MEGF11: variants seen among roughly 807,000 people sequenced by gnomAD.
The protein encoded by MEGF11 is multiple epidermal growth factor-like domains protein 11.
MEGF11 carries 126 observed loss-of-function variants against 146.6 expected under a neutral mutation model. That is an observed-to-expected ratio of 0.86 (90% CI 0.74 to 1.00). The LOEUF (loss-of-function observed/expected upper bound fraction) is 1.00. MEGF11 is among the 50% of genes least tolerant of loss of function. The pLI is 0.00. For missense variants in MEGF11, 1,509 were observed against 1,521.2 expected, an observed-to-expected ratio of 0.99 and a Z score of 0.13; for synonymous variants, 532 against 583.4, an observed-to-expected ratio of 0.91 and a Z score of 1.27.
chr15:66,165,584 C>G (rs1460089037), intron 1 of MEGF11, among the ~76,000 whole-genome samples: 1 of 152,218 alleles, frequency 6.6e-6, no homozygotes, highest in South Asian at 2.1e-4. Context: ...TCTGGCCCCT[C>G]CTGATCCCTG....
At chr15:65,946,469 G>A (rs2080197933) in intron 10 of MEGF11, among the ~76,000 whole-genome samples, 1 of 152,160 alleles carries the variant, frequency 6.6e-6, no homozygotes, top group African/African-American at 2.4e-5. Flanking sequence ...ACAGTGGCGT[G>A]ATCTCGGCTC....
intron 1 of MEGF11, among the ~76,000 whole-genome samples, chr15:66,227,579 C>T (rs570769909): frequency 2.0e-5 from 3 of 152,188 alleles, no homozygotes; most frequent in Non-Finnish European, 4.4e-5. Flanking sequence ...CACCACCCAC[C>T]CGCATACCTG....
intron 5 of MEGF11, among the ~76,000 whole-genome samples, chr15:66,001,404 C>A (rs1277333455): frequency 6.6e-6 from 1 of 152,148 alleles, no homozygotes; most frequent in Non-Finnish European, 1.5e-5. Context: ...GGGAGCCCCT[C>A]AGGTCTCCAG....
In MEGF11 at chr15:66,119,318, T is replaced by C. The variant is rs1014379836; in HGVS notation, c.201-132A>G. The C allele has an allele frequency of 4.1e-5, 27 of 651,040 alleles. No homozygotes were observed. In the African/African-American group the frequency reaches 4.5e-4, roughly 11 times the overall value. 40.3% of individuals were successfully genotyped at this position (651,040 alleles called of 1,614,324 possible). ...TTAAAATGCATGGCGACTTCAAATATGAAGGAACACAATAAAAAAATCAAT... is the reference window on the plus strand; with the variant it reads ...TTAAAATGCATGGCGACTTCAAATACGAAGGAACACAATAAAAAAATCAAT... On this transcript the variant is annotated intron_variant, in intron 3 of 25. Coordinates refer to ENST00000395614, the MANE Select transcript of MEGF11 (RefSeq NM_001385028.1).
rs1403617915 is a variant in MEGF11, at chr15:66,152,353, C to G, written c.-8-23942G>C. Among the ~76,000 whole-genome samples the G allele has an allele frequency of 2.6e-5, 4 of 152,254 alleles. No individual in the cohort carries two copies. The East Asian group carries it at 5.8e-4, about 22-fold the overall frequency. ...AGGGTATGAGCAGCTCATGAAGGAA[C>G]TGGGCATGGATCCCAGACTCCCCCC... is the stretch of plus-strand genomic sequence containing the variant. On this transcript the variant is annotated intron_variant, in intron 1 of 25. Transcript: ENST00000395614.
At chr15:66,050,683 T>G (rs1449070190) in intron 5 of MEGF11, among the ~76,000 whole-genome samples, 6 of 152,210 alleles carry the variant, frequency 3.9e-5, no homozygotes, top group Non-Finnish European at 7.3e-5. Context: ...GAGTAGCTAT[T>G]GGGATTAGAG....
At chr15:65,992,460 G>GA (rs1555459395) in intron 5 of MEGF11, among the ~76,000 whole-genome samples, 8 of 143,254 alleles carry the variant, frequency 5.6e-5, no homozygotes, top group Non-Finnish European at 1.2e-4. Context: ...TGGGGGGGGG[G>GA]GTTAGTCACA....
chr15:66,117,345 G>A (rs534408341), intron 4 of MEGF11, among the ~76,000 whole-genome samples: 162 of 152,132 alleles, frequency 1.1e-3, no homozygotes, highest in African/African-American at 3.5e-3. Flanking sequence ...CTGGTGGACC[G>A]TCCTAGGGTC....
At chr15:65,937,114 C>T (rs1039091989) in intron 10 of MEGF11, among the ~76,000 whole-genome samples, 1 of 152,144 alleles carries the variant, frequency 6.6e-6, no homozygotes, top group Admixed American at 6.5e-5. Flanking sequence ...AAAGTGGGCC[C>T]GCAAGGCAGA....
chr15:65,936,109 G>A (rs2079776350), intron 10 of MEGF11, among the ~76,000 whole-genome samples: 1 of 152,166 alleles, frequency 6.6e-6, no homozygotes, highest in Non-Finnish European at 1.5e-5. Flanking sequence ...GTCCACACGT[G>A]CTCAGGCAGT....
chr15:66,062,343 A>G (rs576096038), intron 5 of MEGF11, among the ~76,000 whole-genome samples: 9 of 152,352 alleles, frequency 5.9e-5, no homozygotes, highest in South Asian at 2.1e-4. Flanking sequence ...GCTAGCATGC[A>G]CTAGAAAGAC....
intron 5 of MEGF11, among the ~76,000 whole-genome samples, chr15:66,043,236 A>G (rs750296259): frequency 1.1e-4 from 17 of 152,324 alleles, no homozygotes; most frequent in Middle Eastern, 3.4e-3. Flanking sequence ...TGGCAACCCA[A>G]TGGTCATGTC....
chr15:66,122,124 G>A (rs1173976703), intron 3 of MEGF11, among the ~76,000 whole-genome samples: 1 of 152,104 alleles, frequency 6.6e-6, no homozygotes, highest in Non-Finnish European at 1.5e-5. Flanking sequence ...TTAGAAGGGT[G>A]TGGTGGTGGG....
intron 5 of MEGF11, among the ~76,000 whole-genome samples, chr15:66,010,989 G>A (rs896446383): frequency 2.6e-5 from 4 of 152,174 alleles, no homozygotes; most frequent in South Asian, 2.1e-4. Flanking sequence ...TGGGGACAAT[G>A]GAGACTCTCT....
At chr15:66,194,876 A>G (rs1256933191) in intron 1 of MEGF11, among the ~76,000 whole-genome samples, 2 of 152,164 alleles carry the variant, frequency 1.3e-5, no homozygotes, top group Non-Finnish European at 2.9e-5. Flanking sequence ...AAAATAACAA[A>G]CATAATGCAA....
At chr15:65,957,366 A>C (rs535169632) in intron 10 of MEGF11, among the ~76,000 whole-genome samples, 181 bp downstream of exon 10, 1 of 152,292 alleles carries the variant, frequency 6.6e-6, no homozygotes, top group South Asian at 2.1e-4. Context: ...TATTATTTTT[A>C]GTATTACAAA....
chr15:65,958,625 A>G (rs540404906), intron 9 of MEGF11, among the ~76,000 whole-genome samples: 1 of 152,270 alleles, frequency 6.6e-6, no homozygotes, highest in East Asian at 1.9e-4. Context: ...GACTCCTCTG[A>G]TGGTTACCTT....
chr15:65,920,166 C>T (rs1425539029), intron 15 of MEGF11, among the ~76,000 whole-genome samples: 1 of 152,190 alleles, frequency 6.6e-6, no homozygotes, highest in Non-Finnish European at 1.5e-5. Context: ...CTCTCTGTTT[C>T]CTCATCTTTG....
chr15:66,226,662 A>G (rs1018931116), intron 1 of MEGF11, among the ~76,000 whole-genome samples: 2 of 152,178 alleles, frequency 1.3e-5, no homozygotes, highest in African/African-American at 4.8e-5. Context: ...CCTAATTTAC[A>G]AATTAAACTT....
Sources: gnomAD v4.1 joint callset for allele counts (sites outside exome capture counted in the v4.1 genomes callset) on GRCh38, gnomAD v4.1.1 for gene constraint, MANE v1.5 for transcripts, NCBI Gene and HGNC (gene_info 2026-07-23, HGNC 2026-07-21) for gene names.